The following CTIF variants were observed in gnomAD, a reference collection of about 807,000 sequenced individuals.
CTIF encodes CBP80/20-dependent translation initiation factor.
A neutral mutation model predicts 66.0 loss-of-function variants in CTIF; 21 were observed. The observed-to-expected ratio is 0.32, with a 90% CI of 0.23 to 0.46. The LOEUF (loss-of-function observed/expected upper bound fraction) is 0.46, where lower values mean the gene tolerates loss of function less well. CTIF is among the 20% of genes least tolerant of loss of function. CTIF has a pLI of 1.00. For missense variants in CTIF, 739 were observed against 812.7 expected, an observed-to-expected ratio of 0.91 and a Z score of 1.10; for synonymous variants, 345 against 326.4, an observed-to-expected ratio of 1.06 and a Z score of -0.62.
At chr18:48,741,466 A>G (rs1445497578) in intron 7 of CTIF, among the ~76,000 whole-genome samples, 1 of 129,022 alleles carries the variant, frequency 7.8e-6, no homozygotes, top group Admixed American at 9.5e-5. Context: ...TCTGTCATCC[A>G]GGCTTGGAGT....
chr18:48,860,247 T>A lies in CTIF; in HGVS notation c.*688T>A, dbSNP rs1022745567. 6.4e-6 allele frequency: 2 copies of A among 314,838 alleles called. No individual in the cohort carries two copies. Among genetic ancestry groups the A allele is most frequent in the Admixed American group, 4.1e-5 (1 of 24,376 alleles). 19.5% of individuals were successfully genotyped at this position (314,838 alleles called of 1,614,324 possible). A position where few individuals can be genotyped will look rare whatever the true frequency, so the allele number is the denominator to read the frequency against. On this transcript the variant is annotated 3_prime_UTR_variant, in exon 12 of 12. Transcript: ENST00000256413. ...GTTTGCAGTTCCACTTGCACTCTTT[T>A]GTTTATTGTGTTTTATTTTTCAAAA... is the stretch of plus-strand genomic sequence containing the variant.
At chr18:48,784,819 G>A (rs1408118953) in intron 9 of CTIF, among the ~76,000 whole-genome samples, 2 of 152,198 alleles carry the variant, frequency 1.3e-5, no homozygotes, top group Non-Finnish European at 2.9e-5. Context: ...ACAAGCAGGA[G>A]GACCGCTGGG....
At chr18:48,735,996 C>T (rs1057270697) in intron 7 of CTIF, among the ~76,000 whole-genome samples, 20 of 152,134 alleles carry the variant, frequency 1.3e-4, no homozygotes, top group Admixed American at 1.2e-3. Context: ...AGGATGGCCC[C>T]GTTCCTGGGA....
chr18:48,854,274 G>A (rs544159201), intron 10 of CTIF, among the ~76,000 whole-genome samples: 7 of 152,222 alleles, frequency 4.6e-5, no homozygotes, highest in South Asian at 4.2e-4. Context: ...GGAAGGGTCC[G>A]AGGAACAGCT....
At chr18:48,822,244 G>A (rs1325947375) in intron 10 of CTIF, among the ~76,000 whole-genome samples, 1 of 151,840 alleles carries the variant, frequency 6.6e-6, no homozygotes, top group Non-Finnish European at 1.5e-5. Flanking sequence ...ATATTTATGG[G>A]GTACATGTGA....
intron 1 of CTIF, among the ~76,000 whole-genome samples, chr18:48,618,816 G>T (rs746801465): frequency 3.1e-4 from 47 of 152,336 alleles, no homozygotes; most frequent in Non-Finnish European, 6.3e-4. Flanking sequence ...AGGGCTAATG[G>T]GTTAGTCATG....
At chr18:48,774,963 T>C (rs1910529300) in intron 9 of CTIF, among the ~76,000 whole-genome samples, 1 of 107,246 alleles carries the variant, frequency 9.3e-6, no homozygotes, top group Non-Finnish European at 2.0e-5. Flanking sequence ...TTATTCTGAG[T>C]ATTAAAAAAA....
At chr18:48,693,272 G>A (rs2091959218) in intron 6 of CTIF, among the ~76,000 whole-genome samples, 1 of 152,158 alleles carries the variant, frequency 6.6e-6, no homozygotes, top group Non-Finnish European at 1.5e-5. Context: ...CCACCCACAA[G>A]AGGAAAAAGA....
At position 48,790,677 on chromosome 18, in the gene CTIF, C is replaced by T. The variant is rs190385942; in HGVS notation, c.1372-26544C>T. 3.1e-3 allele frequency among the ~76,000 whole-genome samples: 469 copies of T among 152,342 alleles called. 9 individuals are homozygous for T. Among genetic ancestry groups the T allele is most frequent in the Admixed American group, 0.029 (444 of 15,310 alleles). On this transcript the variant is annotated intron_variant, in intron 9 of 11. Transcript: ENST00000256413. ...GGAGCAGACGAAGGGAGGACGTGAC[C>T]GGCAGCCTTCATTCTCACAGGCCAG...
At chr18:48,811,056 A>G (rs1385263610) in intron 9 of CTIF, among the ~76,000 whole-genome samples, 1 of 152,100 alleles carries the variant, frequency 6.6e-6, no homozygotes, top group Non-Finnish European at 1.5e-5. Context: ...GTGAATCCTT[A>G]TGGCCTAAAT....
intron 9 of CTIF, among the ~76,000 whole-genome samples, chr18:48,762,321 G>A (rs1194739135): frequency 6.6e-6 from 1 of 152,236 alleles, no homozygotes; most frequent in East Asian, 1.9e-4. Flanking sequence ...CCCACGTCCA[G>A]TGGTTCTATC....
At chr18:48,682,441 A>G (rs1250871781) in intron 6 of CTIF, among the ~76,000 whole-genome samples, 1 of 152,142 alleles carries the variant, frequency 6.6e-6, no homozygotes, top group Admixed American at 6.5e-5. Context: ...GTGAACCAGA[A>G]ACTCTGGGAG....
intron 1 of CTIF, among the ~76,000 whole-genome samples, chr18:48,564,610 G>A (rs975895878): frequency 1.3e-5 from 2 of 152,156 alleles, no homozygotes; most frequent in African/African-American, 4.8e-5. Flanking sequence ...GTAGGTGGTT[G>A]TGTAGGTTTT....
In CTIF at chr18:48,539,329, C is replaced by T. The variant is rs2088548131; in HGVS notation, c.-29+17C>T. 1.3e-5 allele frequency: 2 copies of T among 152,166 alleles called. No individual in the cohort carries two copies. The highest frequency in any genetic ancestry group is 2.1e-4 in the South Asian group (1 of 4,816). 9.4% of individuals were successfully genotyped at this position (152,166 alleles called of 1,614,324 possible). ...AACCCCGAGGTGAGCATCTCCTCGC[C>T]CGTCCTCCTCTTATAGTCATCTCAG... On this transcript the variant is annotated intron_variant, in intron 1 of 11. Coordinates refer to ENST00000256413, the MANE Select transcript of CTIF (RefSeq NM_014772.3).
intron 6 of CTIF, among the ~76,000 whole-genome samples, chr18:48,709,286 T>C (rs2092196691): frequency 6.6e-6 from 1 of 152,062 alleles, no homozygotes; most frequent in South Asian, 2.1e-4. Flanking sequence ...TAGATGTGAG[T>C]TGTTCTGGGA....
chr18:48,780,546 A>G (rs1009136823), intron 9 of CTIF, among the ~76,000 whole-genome samples: 1 of 151,884 alleles, frequency 6.6e-6, no homozygotes, highest in Non-Finnish European at 1.5e-5. Flanking sequence ...TGGCACACGC[A>G]CCTCTGCCGC....
intron 10 of CTIF, among the ~76,000 whole-genome samples, chr18:48,843,423 G>A (rs954493449): frequency 6.6e-6 from 1 of 152,092 alleles, no homozygotes. Context: ...TGCCGCCTGC[G>A]AGCCAGGAGT....
intron 1 of CTIF, among the ~76,000 whole-genome samples, chr18:48,610,041 G>A (rs1242554770): frequency 2.6e-5 from 4 of 152,198 alleles, no homozygotes; most frequent in African/African-American, 9.7e-5. Flanking sequence ...GAAGGACGGT[G>A]CTGGAGAGGG....
chr18:48,735,519 A>G (rs896826207), intron 7 of CTIF, among the ~76,000 whole-genome samples: 4 of 152,082 alleles, frequency 2.6e-5, no homozygotes, highest in Non-Finnish European at 4.4e-5. Context: ...CAGGTGGAGG[A>G]TGTGGAGGAA....
Sources: gnomAD v4.1 joint callset for allele counts (sites outside exome capture counted in the v4.1 genomes callset) on GRCh38, gnomAD v4.1.1 for gene constraint, MANE v1.5 for transcripts, NCBI Gene and HGNC (gene_info 2026-07-23, HGNC 2026-07-21) for gene names.